The following IL1RAP variants were observed in gnomAD, a reference collection of about 807,000 sequenced individuals.
IL1RAP encodes the protein interleukin-1 receptor accessory protein.
Under a neutral mutation model 60.7 loss-of-function variants are expected in IL1RAP, and 35 were observed. The ratio of observed to expected loss-of-function variants is 0.58; its 90% CI spans 0.44 to 0.76. The LOEUF (loss-of-function observed/expected upper bound fraction) is 0.76. IL1RAP is among the 30% of genes least tolerant of loss of function. The pLI is 0.00. For missense variants in IL1RAP, 572 were observed against 693.9 expected, an observed-to-expected ratio of 0.82 and a Z score of 1.97; for synonymous variants, 268 against 250.9, an observed-to-expected ratio of 1.07 and a Z score of -0.64.
At chr3:190,603,938 A>C (rs1178375361) in intron 3 of IL1RAP, among the ~76,000 whole-genome samples, 190 bp from the exon 4 acceptor site, 3 of 152,176 alleles carry the variant, frequency 2.0e-5, no homozygotes, top group African/African-American at 7.2e-5. Context: ...AAAATAATAA[A>C]TAATGGGGAA....
intron 9 of IL1RAP, among the ~76,000 whole-genome samples, chr3:190,640,305 C>A (rs1341688665): frequency 6.6e-6 from 1 of 152,168 alleles, no homozygotes; most frequent in Non-Finnish European, 1.5e-5. Context: ...AGTTGTCCAA[C>A]TTTTTACAAA....
chr3:190,605,926 A>G (rs1165046549), intron 4 of IL1RAP, among the ~76,000 whole-genome samples: 1 of 152,220 alleles, frequency 6.6e-6, no homozygotes, highest in Non-Finnish European at 1.5e-5. Context: ...GTCCATAACA[A>G]TAAATAATCA....
chr3:190,619,544 G>A (rs1029281034), intron 5 of IL1RAP, among the ~76,000 whole-genome samples: 2 of 152,050 alleles, frequency 1.3e-5, no homozygotes, highest in South Asian at 4.1e-4. Context: ...GGACAGGATG[G>A]TGTAACCCCA....
chr3:190,571,097 A>C (rs1726883507), intron 3 of IL1RAP, among the ~76,000 whole-genome samples: 1 of 151,460 alleles, frequency 6.6e-6, no homozygotes, highest in Non-Finnish European at 1.5e-5. Context: ...AGGAAAGAAA[A>C]AGAAAACAGG....
intron 9 of IL1RAP, among the ~76,000 whole-genome samples, chr3:190,630,704 C>T (rs995674225): frequency 6.6e-6 from 1 of 152,178 alleles, no homozygotes; most frequent in African/African-American, 2.4e-5. Context: ...TGATGTAAGG[C>T]AGTTTCCCAA....
At chr3:190,530,449 A>G (rs1393856535) in intron 1 of IL1RAP, among the ~76,000 whole-genome samples, 5 of 152,158 alleles carry the variant, frequency 3.3e-5, no homozygotes, top group African/African-American at 1.2e-4. Flanking sequence ...TGTTCTCACT[A>G]AAGGAGGTGA....
intron 5 of IL1RAP, among the ~76,000 whole-genome samples, chr3:190,612,083 T>A (rs930021743): frequency 2.0e-5 from 3 of 152,180 alleles, no homozygotes; most frequent in Admixed American, 6.5e-5. Flanking sequence ...ACTCAAATAT[T>A]GTTTAAAATA....
chr3:190,595,951 T>A (rs911134148), intron 3 of IL1RAP, among the ~76,000 whole-genome samples: 1 of 152,226 alleles, frequency 6.6e-6, no homozygotes, highest in African/African-American at 2.4e-5. Context: ...GTTCAGCTAA[T>A]ACGTACTGAG....
intron 1 of IL1RAP, among the ~76,000 whole-genome samples, chr3:190,517,065 T>C (rs1010602032): frequency 6.6e-6 from 1 of 152,216 alleles, no homozygotes; most frequent in African/African-American, 2.4e-5. Flanking sequence ...GATATCCTTT[T>C]TGTTGAAAAG....
rs551075465 is a variant in IL1RAP at position 190,651,057 on chromosome 3, G to T, written c.*2352G>T. 25 of 984,630 alleles carry T rather than the reference G, an allele frequency of 2.5e-5. No homozygotes were observed. The highest frequency in any genetic ancestry group is 1.4e-4 in the African/African-American group (8 of 57,246). The allele number at this position is 984,630 out of a possible 1,614,324, so 61.0% of individuals were successfully genotyped here. Reference sequence around the variant, plus strand: ...TTATGTGATACGTATCATTGCAAGAGAATTTGTTTCAAGATTTTTTTTTAA... The same window carrying T: ...TTATGTGATACGTATCATTGCAAGATAATTTGTTTCAAGATTTTTTTTTAA... On this transcript the variant is annotated 3_prime_UTR_variant, in exon 12 of 12. Coordinates refer to ENST00000447382, the MANE Select transcript of IL1RAP (RefSeq NM_002182.4).
chr3:190,627,481 CCTTTGTT>C (rs769816875), intron 8 of IL1RAP, 32 bp downstream of exon 8: 15 of 1,593,204 alleles, frequency 9.4e-6, no homozygotes, highest in Admixed American at 1.8e-5. Context: ...GAGTGATTAA[CCTTTGTT>C]TCTCAACTTA....
downstream of IL1RAP, among the ~76,000 whole-genome samples, chr3:190,655,546 TC>T (rs1448866037): frequency 6.7e-6 from 1 of 149,062 alleles, no homozygotes; most frequent in Non-Finnish European, 1.5e-5. Flanking sequence ...GGGTAGTTAC[TC>T]AATTGCCCAC....
In IL1RAP at chr3:190,557,434, C is replaced by T. The variant is rs1028990423; in HGVS notation, c.-2+1218C>T. Among the ~76,000 whole-genome samples the T allele has an allele frequency of 1.2e-4, 19 of 152,290 alleles. No individual in the cohort carries two copies. In the South Asian group the frequency reaches 3.7e-3, roughly 30 times the overall value. On this transcript the variant is annotated intron_variant, in intron 2 of 11. Coordinates refer to ENST00000447382, the MANE Select transcript of IL1RAP (RefSeq NM_002182.4). ...AGGTGGTATATTATGTATATATGTC[C>T]TCTCAGAGTGCTGAGCACTTTGAAG... is the stretch of plus-strand genomic sequence containing the variant.
chr3:190,542,560 A>G (rs1208179939), intron 1 of IL1RAP, among the ~76,000 whole-genome samples: 1 of 152,166 alleles, frequency 6.6e-6, no homozygotes, highest in Non-Finnish European at 1.5e-5. Flanking sequence ...GAGTGAATGA[A>G]CAGATGTTAT....
chr3:190,599,021 A>G (rs930172924), intron 3 of IL1RAP, among the ~76,000 whole-genome samples: 2 of 152,144 alleles, frequency 1.3e-5, no homozygotes, highest in Non-Finnish European at 2.9e-5. Context: ...CTTTCAGCAT[A>G]ATTTTTCACA....
intron 3 of IL1RAP, among the ~76,000 whole-genome samples, chr3:190,577,049 C>G (rs1436643527): frequency 7.1e-6 from 1 of 141,732 alleles, no homozygotes; most frequent in Non-Finnish European, 1.5e-5. Context: ...TGCAGGGAGC[C>G]GAGATCGCGC....
chr3:190,543,988 G>A (rs761434675), intron 1 of IL1RAP, among the ~76,000 whole-genome samples: 2 of 152,152 alleles, frequency 1.3e-5, no homozygotes, highest in African/African-American at 4.8e-5. Flanking sequence ...TTTGGATTTA[G>A]AGAAGGAGAT....
At chr3:190,527,105 C>T (rs1193828108) in intron 1 of IL1RAP, among the ~76,000 whole-genome samples, 2 of 152,146 alleles carry the variant, frequency 1.3e-5, no homozygotes. Flanking sequence ...CTTTGTATTC[C>T]AGCGATGATC....
chr3:190,627,265 T>C (rs1326896019), intron 7 of IL1RAP, 58 bp from the exon 8 acceptor site: 1 of 1,357,428 alleles, frequency 7.4e-7, no homozygotes, highest in Non-Finnish European at 1.0e-6. Flanking sequence ...TTTTGTTTTG[T>C]TTTGTTTTGT....
Sources: allele counts gnomAD v4.1 joint callset (sites outside exome capture counted in the v4.1 genomes callset), GRCh38; gene constraint gnomAD v4.1.1; transcripts MANE v1.5; gene names NCBI Gene and HGNC (gene_info 2026-07-23, HGNC 2026-07-21).